The following MIER2 variants were observed in gnomAD, a reference collection of about 807,000 sequenced individuals.
MIER2 encodes the protein MIER family member 2, also known as mesoderm induction early response protein 2.
MIER2 carries 30 observed loss-of-function variants against 67.6 expected under a neutral mutation model. The observed-to-expected ratio is 0.44, with a 90% CI of 0.33 to 0.60. MIER2 has a LOEUF of 0.60. Among genes scored for constraint, MIER2 ranks in the 20% least tolerant of loss-of-function variants. MIER2 has a pLI of 0.02. For synonymous variants in MIER2, 372 were observed against 312.6 expected (o/e 1.19, Z -2.00); for missense variants, 702 against 745.1 (o/e 0.94, Z 0.67).
In MIER2 at chr19:307,206, C is replaced by A. The variant is rs758347493; in HGVS notation, c.1529G>T (p.Gly510Val). Residue 510 changes from glycine to valine, a missense_variant, in exon 13 of 14, where the codon GGA becomes GTA. Gly to Val is a moderately radical substitution (Grantham distance 109, BLOSUM62 -3). Transcript: ENST00000264819. ...GTTCACGTCCCCAATGCCGATGAGT[C>A]CAAACTCGGTGACCGACAAAGCCAC... ...AQVALSVTEF[G>V]LIGIGDVNPF... 1.3e-6 allele frequency: 2 copies of A among 1,591,882 alleles called. No homozygotes were observed. Among genetic ancestry groups the A allele is most frequent in the African/African-American group, 1.3e-5 (1 of 74,738 alleles).
intron 3 of MIER2, among the ~76,000 whole-genome samples, chr19:328,999 C>T (rs1436807882): frequency 3.9e-5 from 6 of 152,210 alleles, no homozygotes; most frequent in Admixed American, 2.0e-4. Context: ...TCCAGTGCTG[C>T]TTTCAAATCC....
In MIER2 at chr19:311,857, G is replaced by T; in HGVS notation, c.972C>A (p.Ile324=). The change falls in exon 10 of 14, where the codon ATC becomes ATA. Residue 324 remains isoleucine (I), a synonymous_variant. Coordinates refer to ENST00000264819, the MANE Select transcript of MIER2 (RefSeq NM_017550.3). ...GTGGAGTCCGCACCTTGTTGGCCTG[G>T]ATCAGGTGAAAGTTCTTTCCATGCA... is the stretch of plus-strand genomic sequence containing the variant. ...FRVHGKNFHL[I]QANKVRTRSV... is the part of the protein sequence containing the mutation. 1.2e-6 allele frequency: 2 copies of T among 1,614,052 alleles called. No individual in the cohort carries two copies. Among genetic ancestry groups the T allele is most frequent in the South Asian group, 2.2e-5 (2 of 91,086 alleles).
At chr19:312,308 A>T (rs1299433893) in intron 8 of MIER2, 36 bp from the exon 9 acceptor site, 1 of 1,598,592 alleles carries the variant, frequency 6.3e-7, no homozygotes, top group Non-Finnish European at 8.6e-7. Flanking sequence ...CCATGGGCTC[A>T]GCGCAGGAGC....
At chr19:319,108 TC>T (rs1329955344) in intron 7 of MIER2, among the ~76,000 whole-genome samples, 17 of 148,682 alleles carry the variant, frequency 1.1e-4, no homozygotes, top group African/African-American at 4.2e-4. Flanking sequence ...ATGCCTGTAA[TC>T]CCAGCTCTTT....
chr19:313,545 C>G lies in MIER2; in HGVS notation c.754G>C (p.Glu252Gln). ...TCTGGGAGCTGAGGCCCGGCCATCT[C>G]GTGCCAACGCCGCTTCACCGCCCTG... is the stretch of plus-strand genomic sequence containing the variant. ...LYRAVKRRWH[E>Q]MAGPQLPEGE... Residue 252 changes from glutamate to glutamine, a missense_variant, in exon 8 of 14, where the codon GAG (glutamate) becomes CAG (glutamine). This residue lies in a region of MIER2 where 128 missense variants were observed against 189.7 expected (regional missense o/e 0.67). Coordinates refer to ENST00000264819, the MANE Select transcript of MIER2 (RefSeq NM_017550.3). 1 of 1,613,186 alleles carries G rather than the reference C, an allele frequency of 6.2e-7. No homozygotes were observed. The highest frequency in any genetic ancestry group is 8.5e-7 in the Non-Finnish European group (1 of 1,179,948).
chr19:337,683 A>G (rs1972321518), intron 1 of MIER2, among the ~76,000 whole-genome samples: 2 of 151,350 alleles, frequency 1.3e-5, no homozygotes, highest in Admixed American at 6.6e-5. Context: ...CCTGGCCAAC[A>G]TGGTGAAACC....
At chr19:329,204 T>C (rs567640968) in intron 3 of MIER2, among the ~76,000 whole-genome samples, 8 of 152,216 alleles carry the variant, frequency 5.3e-5, no homozygotes, top group South Asian at 2.1e-4. Flanking sequence ...CAAGTCCACA[T>C]AGAAACCTCC....
intron 1 of MIER2, among the ~76,000 whole-genome samples, chr19:341,109 G>GA (rs1311996004): frequency 6.6e-6 from 1 of 152,202 alleles, no homozygotes; most frequent in Admixed American, 6.5e-5. Context: ...AGTGACCTCT[G>GA]AAATCACCCT....
Position 307,199 on chromosome 19 carries a change from G to A in MIER2, c.1536C>T (p.Ile512=), listed in dbSNP as rs756698863. The A allele has an allele frequency of 2.3e-5, 37 of 1,591,108 alleles. No individual in the cohort carries two copies. Among genetic ancestry groups the A allele is most frequent in the South Asian group, 6.9e-5 (6 of 87,496 alleles). ...VALSVTEFGL[I]GIGDVNPFLA... ...GGAAGGGGTTCACGTCCCCAATGCCGATGAGTCCAAACTCGGTGACCGACA... is the reference window on the plus strand; with the variant it reads ...GGAAGGGGTTCACGTCCCCAATGCCAATGAGTCCAAACTCGGTGACCGACA... Residue 512 remains isoleucine, a synonymous_variant, in exon 13 of 14, where the codon ATC becomes ATT. Coordinates refer to ENST00000264819, the MANE Select transcript of MIER2 (RefSeq NM_017550.3).
In MIER2 at chr19:325,701, T is replaced by TCTC. The variant is rs1971707590; in HGVS notation, c.586_588dup (p.Glu196dup). 6.2e-7 allele frequency: 1 copy of TCTC among 1,614,034 alleles called. No individual in the cohort carries two copies. The highest frequency in any genetic ancestry group is 8.5e-7 in the Non-Finnish European group (1 of 1,179,998). Reference sequence around the variant, plus strand: ...GCTTGGAACTGAGGTCCCACCATGATCTCCTGCAAAGCAAGCACCTGGGAA... The same window carrying TCTC: ...GCTTGGAACTGAGGTCCCACCATGATCTCCTCCTGCAAAGCAAGCACCTGGGAA... On this transcript the variant is annotated inframe_insertion, in exon 7 of 14. Coordinates refer to ENST00000264819, the MANE Select transcript of MIER2 (RefSeq NM_017550.3).
At chr19:314,912 A>G (rs750057886) in intron 7 of MIER2, among the ~76,000 whole-genome samples, 8 of 151,982 alleles carry the variant, frequency 5.3e-5, no homozygotes, top group Non-Finnish European at 1.0e-4. Flanking sequence ...CATCTCTACA[A>G]AAAATTTCAA....
At chr19:310,326 G>A (rs1600111347) in intron 10 of MIER2, among the ~76,000 whole-genome samples, 2 of 152,336 alleles carry the variant, frequency 1.3e-5, no homozygotes, top group East Asian at 1.9e-4. Context: ...GCCTGGGGGC[G>A]AGACCGAGAC....
In MIER2 at chr19:306,230, T is replaced by G; in HGVS notation, c.*460A>C. The G allele has an allele frequency of 1.2e-5, 2 of 172,472 alleles. No homozygotes were observed. Among genetic ancestry groups the G allele is most frequent in the Admixed American group, 6.2e-5 (1 of 16,202 alleles). The allele number at this position is 172,472 out of a possible 1,614,324, so 10.7% of individuals were successfully genotyped here. Reference sequence around the variant, plus strand: ...TGGGGCAGCCCGCGGCCCTGCCGGGTGTGGAGAGACAGAGCCAAGCAGGGA... The same window carrying G: ...TGGGGCAGCCCGCGGCCCTGCCGGGGGTGGAGAGACAGAGCCAAGCAGGGA... On this transcript the variant is annotated 3_prime_UTR_variant, in exon 14 of 14. Coordinates refer to ENST00000264819, the MANE Select transcript of MIER2 (RefSeq NM_017550.3).
At position 325,268 on chromosome 19, in the gene MIER2, C is replaced by T. The variant is rs142009781; in HGVS notation, c.655+367G>A. Among the ~76,000 whole-genome samples, 303 of 152,346 alleles carry T rather than the reference C, an allele frequency of 2.0e-3. 1 individual carries two copies. Among genetic ancestry groups the T allele is most frequent in the Middle Eastern group, 0.01 (3 of 294 alleles). On this transcript the variant is annotated intron_variant, in intron 7 of 13. Coordinates refer to ENST00000264819, the MANE Select transcript of MIER2 (RefSeq NM_017550.3). Reference sequence around the variant, plus strand: ...AAGGCCGGGGGTGCAGCGCAGCATCCGGCGGGTCTCTGGAGAACCATCTAA... The same window carrying T: ...AAGGCCGGGGGTGCAGCGCAGCATCTGGCGGGTCTCTGGAGAACCATCTAA...
rs760986945 is a variant in MIER2 at position 308,828 on chromosome 19, C to T, written c.1082G>A (p.Arg361Gln). The T allele has an allele frequency of 3.1e-6, 5 of 1,608,498 alleles. No homozygotes were observed. Among genetic ancestry groups the T allele is most frequent in the Admixed American group, 1.7e-5 (1 of 59,934 alleles). ...GGTTCCGGACGGGACGTACTTCCTC[C>T]GGCCCAGCCGCGTCTGCTGGGCGAA... is the stretch of plus-strand genomic sequence containing the variant. The part of the protein sequence containing the change: ...DYFAQQTRLG[R>Q]RKYVPSGTTD... The change falls in exon 11 of 14, where the codon CGG becomes CAG. Residue 361 changes from arginine to glutamine, a missense_variant. By Grantham distance (43) the Arg-to-Gln change is conservative. This residue lies in a region of MIER2 where 128 missense variants were observed against 189.7 expected (regional missense o/e 0.67). Transcript: ENST00000264819. This position sits in a 1 kb window ranked among gnomAD's most constrained non-coding sequence, Gnocchi z 9.1.
chr19:344,787 G>A lies in MIER2; in HGVS notation c.-5C>T, dbSNP rs1211905104. ...CCGCTCACTCACCTCCGCCATGGCC[G>A]TGTGTGCGCGGGAGGCGGTGGCCGC... is the stretch of plus-strand genomic sequence containing the variant. On this transcript the variant is annotated 5_prime_UTR_variant, in exon 1 of 14. In the 5' UTR this introduces an upstream ATG that the reference lacks. Coordinates refer to ENST00000264819, the MANE Select transcript of MIER2 (RefSeq NM_017550.3). The A allele has an allele frequency of 7.5e-6, 9 of 1,196,972 alleles. No homozygotes were observed. Among genetic ancestry groups the A allele is most frequent in the Non-Finnish European group, 9.3e-6 (9 of 965,434 alleles). The allele number at this position is 1,196,972 out of a possible 1,614,324, so 74.1% of individuals were successfully genotyped here.
chr19:309,502 C>T (rs35692286), intron 10 of MIER2, among the ~76,000 whole-genome samples: 19,086 of 139,024 alleles, frequency 0.14, 1,920 homozygotes, highest in African/African-American at 0.28. Context: ...TCTGTGAACC[C>T]GACAAAATTC....
rs138561665 is a variant in MIER2, at chr19:334,479, C to G, written c.164G>C (p.Ser55Thr). 72 of 1,614,186 alleles carry G rather than the reference C, an allele frequency of 4.5e-5. No individual in the cohort carries two copies. The highest frequency in any genetic ancestry group is 4.4e-4 in the African/African-American group (33 of 75,058). Residue 55 changes from serine to threonine, a missense_variant, in exon 3 of 14, where the codon AGT becomes ACT. Ser to Thr is a moderately conservative substitution (Grantham distance 58). This residue lies in a region of MIER2 where 320 missense variants were observed against 292.6 expected (regional missense o/e 1.09). Transcript: ENST00000264819. ...GGCCTCCTCGCACTCCCCCCTAACA[C>G]TGTAGTTCTGTGACAGGATCTCTGC... ...NLAEILSQNY[S>T]VRGECEEASR...
At chr19:318,891 C>A (rs1971375088) in intron 7 of MIER2, among the ~76,000 whole-genome samples, 1 of 151,808 alleles carries the variant, frequency 6.6e-6, no homozygotes, top group African/African-American at 2.4e-5. Flanking sequence ...CCCGTCTCTA[C>A]TAAAAAATAC....
Sources: allele counts gnomAD v4.1 joint callset (sites outside exome capture counted in the v4.1 genomes callset), GRCh38; gene constraint gnomAD v4.1.1; regional missense constraint gnomAD v4.1.1; non-coding constraint Gnocchi (gnomAD v3.1); transcripts MANE v1.5; gene names NCBI Gene and HGNC (gene_info 2026-07-23, HGNC 2026-07-21).